VPS13C: variants seen among roughly 807,000 people sequenced by gnomAD.
VPS13C encodes intermembrane lipid transfer protein VPS13C.
In VPS13C, 358 loss-of-function variants were observed where a neutral mutation model predicts 456.8. The observed-to-expected ratio is 0.78, with a 90% confidence interval of 0.72 to 0.86. The LOEUF is 0.86. VPS13C is among the 40% of genes least tolerant of loss of function. The pLI is 0.00. For synonymous variants in VPS13C, 1,578 were observed against 1,486.7 expected (o/e 1.06, Z -1.41); for missense variants, 4,818 against 4,385.4 (o/e 1.10, Z -2.79).
Position 61,858,263 on chromosome 15 carries a change from A to C in VPS13C, c.10953-1854T>G, listed in dbSNP as rs1011265996. On this transcript the variant is annotated intron_variant, in intron 82 of 84. Coordinates refer to ENST00000644861, the MANE Select transcript of VPS13C (RefSeq NM_020821.3). The surrounding 1 kb of genome is among the most constrained non-coding windows in gnomAD (Gnocchi z 4.4). ...TCAAATCTTGGTCTTCTACTCACACACTCCCTCAGAATGGTCTCTCAGATC... is the reference window on the plus strand; with the variant it reads ...TCAAATCTTGGTCTTCTACTCACACCCTCCCTCAGAATGGTCTCTCAGATC... 1.3e-5 allele frequency among the ~76,000 whole-genome samples: 2 copies of C among 151,488 alleles called. No homozygotes were observed. The highest frequency in any genetic ancestry group is 4.9e-5 in the African/African-American group (2 of 41,106).
intron 19 of VPS13C, among the ~76,000 whole-genome samples, chr15:61,984,369 TCTC>T (rs1347361744): frequency 6.6e-6 from 1 of 152,206 alleles, no homozygotes; most frequent in Non-Finnish European, 1.5e-5. Flanking sequence ...CATTCCAGCT[TCTC>T]CTAGTCATTT....
chr15:62,050,731 G>T (rs2048589018), intron 1 of VPS13C, among the ~76,000 whole-genome samples: 1 of 151,664 alleles, frequency 6.6e-6, no homozygotes, highest in East Asian at 1.9e-4. Flanking sequence ...GAACCAGAAG[G>T]GCAGAGGTTG....
chr15:61,945,873 T>A lies in VPS13C; in HGVS notation c.4990A>T (p.Ile1664Phe). The A allele has an allele frequency of 6.2e-7, 1 of 1,606,454 alleles. No individual in the cohort carries two copies. The highest frequency in any genetic ancestry group is 8.5e-7 in the Non-Finnish European group (1 of 1,178,088). The stretch of plus-strand genomic sequence containing the variant: ...AACCTAAAGACTTCATCTCCCAAAA[T>A]AGAGACAGCCTAAAAGTATTAGATT... The part of the protein sequence containing the change: ...LQSIHKKAVS[I>F]LGDEVFRFQL... Residue 1664 changes from isoleucine (I) to phenylalanine (F), a missense_variant, in exon 45 of 85, where the codon ATT (isoleucine) becomes TTT (phenylalanine). This residue lies in a region of VPS13C where 4,552 missense variants were observed against 4,130.6 expected (regional missense o/e 1.10). Coordinates refer to ENST00000644861, the MANE Select transcript of VPS13C (RefSeq NM_020821.3).
chr15:61,947,345 GAA>G, intron 42 of VPS13C, 36 bp from the exon 43 acceptor site: 2 of 1,480,858 alleles, frequency 1.4e-6, no homozygotes, highest in South Asian at 2.3e-5. Flanking sequence ...TGAGCAAAGG[GAA>G]AAGATAATAC....
intron 66 of VPS13C, among the ~76,000 whole-genome samples, chr15:61,902,745 G>A (rs79668881): frequency 4.6e-5 from 7 of 152,070 alleles, no homozygotes; most frequent in African/African-American, 7.2e-5. Flanking sequence ...ACATCATACC[G>A]AAGAAGGAAA....
Position 61,998,538 on chromosome 15 carries a change from A to G in VPS13C, c.1353+2026T>C, listed in dbSNP as rs919422142. On this transcript the variant is annotated intron_variant, in intron 16 of 84. Transcript: ENST00000644861. ...GTACTCCTAACAATAACCCTAAGAC[A>G]TAGGTACTACTAATTAATCTCATCT... Among the ~76,000 whole-genome samples, 4 of 152,320 alleles carry G rather than the reference A, an allele frequency of 2.6e-5. 1 individual carries two copies. Among genetic ancestry groups the G allele is most frequent in the Admixed American group, 6.5e-5 (1 of 15,310 alleles).
At chr15:61,971,540 C>T (rs1280627144) in intron 27 of VPS13C, among the ~76,000 whole-genome samples, 2 of 152,162 alleles carry the variant, frequency 1.3e-5, no homozygotes, top group East Asian at 1.9e-4. Context: ...GGATTACAGG[C>T]GTGAGCCACC....
chr15:62,017,064 T>TGTCTTCTTTTGAGAAGC (rs540456682), intron 9 of VPS13C, among the ~76,000 whole-genome samples: 1,847 of 152,280 alleles, frequency 0.012, 39 homozygotes, highest in African/African-American at 0.042. Context: ...GCTGCATAAA[T>TGTCTTCTTTTGAGAAGC]GTCTTCTTTT....
chr15:61,923,410 G>A (rs1411733961), intron 53 of VPS13C, among the ~76,000 whole-genome samples: 1 of 151,932 alleles, frequency 6.6e-6, no homozygotes, highest in Non-Finnish European at 1.5e-5. Context: ...TACGGCCAAC[G>A]CCCTCTCAGC....
In VPS13C at chr15:61,936,653, T is replaced by C. The variant is rs1241227806; in HGVS notation, c.5699A>G (p.Gln1900Arg). ...SSQPSPTQSV[Q>R]ETVRVRKVDV... is the part of the protein sequence containing the mutation. ...AACTTTTCTCACTCTTACAGTCTCC[T>C]GCACAGACTGTGTAGGGCTTGGTTG... Residue 1900 changes from glutamine to arginine, a missense_variant, in exon 48 of 85, where the codon CAG becomes CGG. This residue lies in a region of VPS13C where 4,552 missense variants were observed against 4,130.6 expected (regional missense o/e 1.10). Coordinates refer to ENST00000644861, the MANE Select transcript of VPS13C (RefSeq NM_020821.3). The C allele has an allele frequency of 6.2e-7, 1 of 1,611,570 alleles. No individual in the cohort carries two copies. Among genetic ancestry groups the C allele is most frequent in the African/African-American group, 1.3e-5 (1 of 74,772 alleles).
chr15:61,884,121 G>A lies in VPS13C; in HGVS notation c.9483+7C>T. 1 of 1,560,226 alleles carries A rather than the reference G, an allele frequency of 6.4e-7. No homozygotes were observed. The highest frequency in any genetic ancestry group is 1.3e-5 in the South Asian group (1 of 79,826). ...ATAAAAATCAAAACAAAAGAATTTT[G>A]GTATACCTCAAAATTATTATCTAGC... On this transcript the variant is annotated splice_region_variant and intron_variant, in intron 68 of 84. Coordinates refer to ENST00000644861, the MANE Select transcript of VPS13C (RefSeq NM_020821.3).
At chr15:61,961,438 C>A in intron 35 of VPS13C, 151 bp downstream of exon 35, 2 of 531,310 alleles carry the variant, frequency 3.8e-6, no homozygotes, top group Non-Finnish European at 6.2e-6. Context: ...CACACACACA[C>A]ACACAAAACA....
rs1424557895 is a variant in VPS13C at position 61,853,241 on chromosome 15, A to G, written c.*1216T>C. 6.6e-6 allele frequency: 1 copy of G among 152,192 alleles called. No individual in the cohort carries two copies. The highest frequency in any genetic ancestry group is 1.5e-5 in the Non-Finnish European group (1 of 68,030). 9.4% of individuals were successfully genotyped at this position (152,192 alleles called of 1,614,324 possible). A position where few individuals can be genotyped will look rare whatever the true frequency, so the allele number is the denominator to read the frequency against. On this transcript the variant is annotated 3_prime_UTR_variant, in exon 85 of 85. Coordinates refer to ENST00000644861, the MANE Select transcript of VPS13C (RefSeq NM_020821.3). ...TTCATTCTTCTTAGTAAGTATTTAA[A>G]ATACATTCTAGGCGTGCATTAGGAG...
At chr15:62,051,584 G>T (rs2048619915) in intron 1 of VPS13C, among the ~76,000 whole-genome samples, 1 of 152,102 alleles carries the variant, frequency 6.6e-6, no homozygotes, top group Non-Finnish European at 1.5e-5. Context: ...AAGGTAATTC[G>T]ACCTCCCTGG....
chr15:61,997,175 G>T (rs1036300250), intron 16 of VPS13C, among the ~76,000 whole-genome samples: 1 of 152,012 alleles, frequency 6.6e-6, no homozygotes, highest in Non-Finnish European at 1.5e-5. Context: ...AAAAAATCAG[G>T]TGCATCTGTC....
At chr15:61,955,136 A>T (rs2044943600) in intron 37 of VPS13C, among the ~76,000 whole-genome samples, 1 of 152,192 alleles carries the variant, frequency 6.6e-6, no homozygotes, top group African/African-American at 2.4e-5. Flanking sequence ...AAATGCAATA[A>T]AATTGTTTTA....
intron 15 of VPS13C, among the ~76,000 whole-genome samples, chr15:62,002,512 G>T (rs530784831): frequency 4.8e-4 from 73 of 152,178 alleles, no homozygotes; most frequent in South Asian, 8.3e-4. Flanking sequence ...GTGCAGAAGC[G>T]CTTTAGTTTA....
At chr15:62,050,805 CAAAAAAAAA>C (rs34228451) in intron 1 of VPS13C, among the ~76,000 whole-genome samples, 1 of 55,886 alleles carries the variant, frequency 1.8e-5, no homozygotes, top group Non-Finnish European at 3.6e-5. Context: ...GACCCAGTCT[CAAAAAAAAA>C]AAAAAAAAAA....
rs11639147 is a variant in VPS13C, at chr15:62,060,175, A to G, written c.100+100T>C. 304,412 of 560,412 alleles carry G rather than the reference A, an allele frequency of 0.54. 84,327 individuals carry two copies. The highest frequency in any genetic ancestry group is 0.65 in the Admixed American group (17,390 of 26,876). 34.7% of individuals were successfully genotyped at this position (560,412 alleles called of 1,614,324 possible). A position where few individuals can be genotyped will look rare whatever the true frequency, so the allele number is the denominator to read the frequency against. On this transcript the variant is annotated intron_variant, in intron 1 of 84. Coordinates refer to ENST00000644861, the MANE Select transcript of VPS13C (RefSeq NM_020821.3). ...CTGCCGCACCGGGATGGGGAGTCTC[A>G]GGCGGCGCAGGGAGCAGGGCCCGGG...
Sources: gnomAD v4.1 joint callset for allele counts (sites outside exome capture counted in the v4.1 genomes callset) on GRCh38, gnomAD v4.1.1 for gene constraint, gnomAD v4.1.1 regional missense constraint, Gnocchi (gnomAD v3.1) non-coding constraint, MANE v1.5 for transcripts, NCBI Gene and HGNC (gene_info 2026-07-23, HGNC 2026-07-21) for gene names.